Variants in GLI3 observed in about 807,000 individuals in gnomAD.
GLI3 encodes transcription activator GLI3.
In GLI3, 20 loss-of-function variants were observed where a neutral mutation model predicts 100.8. The ratio of observed to expected loss-of-function variants is 0.20; its 90% confidence interval spans 0.14 to 0.29. GLI3 has a LOEUF of 0.29. Ranked by LOEUF, GLI3 falls within the 10% of genes least tolerant of loss-of-function variation. GLI3 has a pLI of 1.00. For missense variants in GLI3, 2,040 were observed against 2,128.5 expected, an observed-to-expected ratio of 0.96 and a Z score of 0.82; for synonymous variants, 938 against 860.5, an observed-to-expected ratio of 1.09 and a Z score of -1.58.
At chr7:42,052,682 A>G (rs996610147) in intron 4 of GLI3, among the ~76,000 whole-genome samples, 6 of 149,666 alleles carry the variant, frequency 4.0e-5, no homozygotes, top group African/African-American at 1.5e-4. Flanking sequence ...CTAAACTCAG[A>G]AAAAAAAAAG....
At chr7:42,044,453 C>A (rs1034214375) in intron 6 of GLI3, among the ~76,000 whole-genome samples, 1 of 152,136 alleles carries the variant, frequency 6.6e-6, no homozygotes, top group Non-Finnish European at 1.5e-5. Context: ...CTTGTCTATG[C>A]GTCTACATAA....
intron 1 of GLI3, among the ~76,000 whole-genome samples, chr7:42,257,819 TA>T (rs1449471130): frequency 1.3e-5 from 2 of 152,222 alleles, no homozygotes; most frequent in Non-Finnish European, 2.9e-5. Context: ...TTATTGTTTT[TA>T]TCATTTAGTC....
At chr7:42,150,650 G>A (rs1180534522) in intron 2 of GLI3, among the ~76,000 whole-genome samples, 1 of 152,158 alleles carries the variant, frequency 6.6e-6, no homozygotes, top group Non-Finnish European at 1.5e-5. Flanking sequence ...AGCATTCTCT[G>A]GGAAAGATGA....
intron 10 of GLI3, 90 bp downstream of exon 10, chr7:42,023,378 A>T: frequency 7.2e-7 from 1 of 1,380,332 alleles, no homozygotes; most frequent in South Asian, 1.2e-5. Flanking sequence ...GCTCCTAAGA[A>T]ACTTGACTCA....
intron 3 of GLI3, among the ~76,000 whole-genome samples, chr7:42,097,866 T>C (rs570106842): frequency 6.6e-6 from 1 of 152,236 alleles, no homozygotes; most frequent in South Asian, 2.1e-4. Context: ...ATATGTTCTA[T>C]ACCAGACATA....
At chr7:42,238,648 G>A (rs933857735), upstream of GLI3, among the ~76,000 whole-genome samples, 5 of 152,124 alleles carry the variant, frequency 3.3e-5, no homozygotes, top group African/African-American at 1.2e-4. Flanking sequence ...ATTTTCAGAG[G>A]CCCATGCTAG....
chr7:42,131,624 T>C (rs756237336), intron 3 of GLI3, among the ~76,000 whole-genome samples: 3 of 152,192 alleles, frequency 2.0e-5, no homozygotes, highest in Non-Finnish European at 4.4e-5. Context: ...GATGTGGTTA[T>C]GATAGTAAGA....
In GLI3 at chr7:41,964,066, T is replaced by TG. The variant is rs1787083509; in HGVS notation, c.*263_*264insC. 2.3e-5 allele frequency: 6 copies of TG among 261,264 alleles called. No individual in the cohort carries two copies. The highest frequency in any genetic ancestry group is 1.2e-4 in the South Asian group (2 of 16,406). The allele number at this position is 261,264 out of a possible 1,614,324, so 16.2% of individuals were successfully genotyped here. A position where few individuals can be genotyped will look rare whatever the true frequency, so the allele number is the denominator to read the frequency against. ...CTAAAAAGGGGGCGGGGCTTACAGTTTTTTTTTTTTTTTTTAAAAAGAGGG... is the reference window on the plus strand; with the variant it reads ...CTAAAAAGGGGGCGGGGCTTACAGTTGTTTTTTTTTTTTTTTAAAAAGAGGG... On this transcript the variant is annotated 3_prime_UTR_variant, in exon 15 of 15. Coordinates refer to ENST00000395925, the MANE Select transcript of GLI3 (RefSeq NM_000168.6).
chr7:42,055,963 C>T (rs778420517), intron 4 of GLI3, among the ~76,000 whole-genome samples: 53 of 152,080 alleles, frequency 3.5e-4, no homozygotes, highest in Middle Eastern at 6.8e-3. Context: ...ATCATGGAGG[C>T]GGGTCTGTTC....
At chr7:42,172,409 A>G in intron 2 of GLI3, 1 of 613,064 alleles carries the variant, frequency 1.6e-6, no homozygotes, top group Non-Finnish European at 2.9e-6. Flanking sequence ...CATGGCTGGC[A>G]TTTCTATCAA....
In GLI3 at chr7:41,968,732, GAAAGA is replaced by G. The variant is rs879919749; in HGVS notation, c.2104-814_2104-810del. Among the ~76,000 whole-genome samples, 837 of 110,470 alleles carry G rather than the reference GAAAGA, an allele frequency of 7.6e-3. 7 individuals carry two copies. Among genetic ancestry groups the G allele is most frequent in the South Asian group, 0.014 (46 of 3,402 alleles). 72.5% of individuals were successfully genotyped at this position (110,470 alleles called of 152,430 possible). A position where few individuals can be genotyped will look rare whatever the true frequency, so the allele number is the denominator to read the frequency against. ...AAGAAAGAAGAAAGAAAGAAAGAAA[GAAAGA>G]AAGAAAGAAAGAAAGAAAGAAAGAA... is the stretch of plus-strand genomic sequence containing the variant. On this transcript the variant is annotated intron_variant, in intron 13 of 14. Coordinates refer to ENST00000395925, the MANE Select transcript of GLI3 (RefSeq NM_000168.6).
At chr7:42,075,358 G>A (rs1562716072) in intron 4 of GLI3, among the ~76,000 whole-genome samples, 2 of 152,110 alleles carry the variant, frequency 1.3e-5, no homozygotes, top group Non-Finnish European at 2.9e-5. Context: ...TGTCTCCGAG[G>A]TCTATCTGGC....
chr7:42,124,014 G>A (rs113509543), intron 3 of GLI3, among the ~76,000 whole-genome samples: 2,025 of 152,180 alleles, frequency 0.013, 44 homozygotes, highest in African/African-American at 0.044. Flanking sequence ...GATGCCCACC[G>A]AGTCATCATT....
chr7:42,090,564 G>A (rs1405667138), intron 3 of GLI3, among the ~76,000 whole-genome samples: 2 of 152,142 alleles, frequency 1.3e-5, no homozygotes, highest in African/African-American at 4.8e-5. Context: ...CTTCAGCTTT[G>A]CAAGTAATCT....
chr7:42,063,459 A>G (rs764490352), intron 4 of GLI3, among the ~76,000 whole-genome samples: 1 of 152,198 alleles, frequency 6.6e-6, no homozygotes, highest in Non-Finnish European at 1.5e-5. Flanking sequence ...ATTCAGACAT[A>G]GATTTTTTAA....
At chr7:42,243,934 A>G (rs1788947945) in intron 1 of GLI3, among the ~76,000 whole-genome samples, 1 of 152,134 alleles carries the variant, frequency 6.6e-6, no homozygotes, top group African/African-American at 2.4e-5. Flanking sequence ...CCCGGGTTCA[A>G]CCAATTTTCC....
chr7:42,218,850 TA>T (rs764526350), intron 2 of GLI3, among the ~76,000 whole-genome samples: 1 of 152,210 alleles, frequency 6.6e-6, no homozygotes, highest in Non-Finnish European at 1.5e-5. Flanking sequence ...GTTTCTTTTT[TA>T]AAGCCGAGTT....
At chr7:42,056,024 T>A (rs1022078979) in intron 4 of GLI3, among the ~76,000 whole-genome samples, 2 of 151,190 alleles carry the variant, frequency 1.3e-5, no homozygotes, top group Non-Finnish European at 2.9e-5. Context: ...TAGAGGGGAG[T>A]TTCCCTGCAC....
chr7:42,148,855 C>G (rs1398221163), intron 2 of GLI3, among the ~76,000 whole-genome samples: 2 of 152,192 alleles, frequency 1.3e-5, no homozygotes, highest in African/African-American at 4.8e-5. Flanking sequence ...TGTGCATGTC[C>G]AGCTTCCCTT....
Sources: allele counts gnomAD v4.1 joint callset (sites outside exome capture counted in the v4.1 genomes callset), GRCh38; gene constraint gnomAD v4.1.1; transcripts MANE v1.5; gene names NCBI Gene and HGNC (gene_info 2026-07-23, HGNC 2026-07-21).